ITSN1: variants seen among roughly 807,000 people sequenced by gnomAD.
ITSN1 encodes intersectin 1.
Under a neutral mutation model 239.8 loss-of-function variants are expected in ITSN1, and 58 were observed. The observed-to-expected ratio is 0.24, with a 90% CI of 0.20 to 0.30. The LOEUF is 0.30. ITSN1 is among the 10% of genes least tolerant of loss of function. The pLI is 1.00. For missense variants in ITSN1, 1,558 were observed against 2,103.3 expected (o/e 0.74, Z 5.07); for synonymous variants, 780 against 770.8 (o/e 1.01, Z -0.20).
At chr21:33,854,063 G>A (rs8127139) in intron 29 of ITSN1, among the ~76,000 whole-genome samples, 129,894 of 152,186 alleles carry the variant, frequency 0.85, 55,753 homozygotes, top group East Asian at 0.98. Flanking sequence ...TATTTGCCCA[G>A]TGAATGAATA....
At chr21:33,763,219 G>A (rs947789200) in intron 9 of ITSN1, among the ~76,000 whole-genome samples, 4 of 34,296 alleles carry the variant, frequency 1.2e-4, no homozygotes, top group African/African-American at 1.1e-4. Flanking sequence ...CCCCCAGGCC[G>A]CCCCCCAACC....
chr21:33,859,251 C>T (rs1007272651), intron 31 of ITSN1, among the ~76,000 whole-genome samples: 5 of 152,172 alleles, frequency 3.3e-5, no homozygotes, highest in Non-Finnish European at 5.9e-5. Context: ...AGGATCACTC[C>T]GGGAAGCTGG....
At chr21:33,654,078 C>T (rs2088812715) in intron 1 of ITSN1, among the ~76,000 whole-genome samples, 1 of 151,892 alleles carries the variant, frequency 6.6e-6, no homozygotes, top group African/African-American at 2.4e-5. Context: ...TCTTTTGTCT[C>T]ACTCTGTCAC....
intron 15 of ITSN1, 150 bp from the exon 16 acceptor site, chr21:33,781,844 G>A: frequency 1.3e-6 from 1 of 743,476 alleles, no homozygotes; most frequent in Non-Finnish European, 2.1e-6. Flanking sequence ...TCCCCAAAGT[G>A]CTGGGATTAC....
Position 33,894,411 on chromosome 21 carries a change from T to G in ITSN1, c.*6111T>G, listed in dbSNP as rs1034999101. ...TTGGATGTCAGGGGTGTTTTGTGAGTTGTGTTTTAATAGGATTCTGTTCGA... is the reference window on the plus strand; with the variant it reads ...TTGGATGTCAGGGGTGTTTTGTGAGGTGTGTTTTAATAGGATTCTGTTCGA... On this transcript the variant is annotated 3_prime_UTR_variant, in exon 40 of 40. Transcript: ENST00000381318. 4 of 152,246 alleles carry G rather than the reference T, an allele frequency of 2.6e-5. No homozygotes were observed. The highest frequency in any genetic ancestry group is 5.9e-5 in the Non-Finnish European group (4 of 68,008). 9.4% of individuals were successfully genotyped at this position (152,246 alleles called of 1,614,324 possible).
chr21:33,884,277 C>G (rs1985429084), intron 36 of ITSN1, among the ~76,000 whole-genome samples: 2 of 152,116 alleles, frequency 1.3e-5, no homozygotes, highest in African/African-American at 4.8e-5. Flanking sequence ...CAGAGCATCT[C>G]AGGTTTCCCC....
rs1433408937 is a variant in ITSN1, at chr21:33,818,401, T to C, written c.2862T>C (p.Val954=). 6.2e-7 allele frequency: 1 copy of C among 1,614,202 alleles called. No homozygotes were observed. The highest frequency in any genetic ancestry group is 1.1e-5 in the South Asian group (1 of 91,086). The change falls in exon 23 of 40, where the codon GTT becomes GTC. Residue 954 remains valine, a synonymous_variant. Coordinates refer to ENST00000381318, the MANE Select transcript of ITSN1 (RefSeq NM_003024.3). The stretch of plus-strand genomic sequence containing the variant: ...AAGACATGTGGTGGTTTGGAGAAGT[T>C]CAAGGTCAGAAGGGTTGGTTCCCCA... ...EQQDMWWFGE[V]QGQKGWFPKS... is the part of the protein sequence containing the mutation.
intron 7 of ITSN1, among the ~76,000 whole-genome samples, chr21:33,753,581 T>C (rs1374769935): frequency 6.6e-6 from 1 of 151,806 alleles, no homozygotes; most frequent in Non-Finnish European, 1.5e-5. Flanking sequence ...GCCAACATGG[T>C]GAAACCCCGT....
chr21:33,724,183 T>C (rs1001701371), intron 4 of ITSN1, among the ~76,000 whole-genome samples: 88 of 152,298 alleles, frequency 5.8e-4, no homozygotes, highest in African/African-American at 2.0e-3. Context: ...GTATCTGCTT[T>C]ATTTTCTTTT....
chr21:33,829,466 C>G (rs752051780), intron 26 of ITSN1, 158 bp from the exon 27 acceptor site: 1 of 726,324 alleles, frequency 1.4e-6, no homozygotes, highest in Admixed American at 2.4e-5. Context: ...GCTCTGGGAA[C>G]GGGCGATTCA....
intron 29 of ITSN1, among the ~76,000 whole-genome samples, chr21:33,855,095 A>G (rs572971413): frequency 2.6e-5 from 4 of 152,288 alleles, no homozygotes; most frequent in Admixed American, 1.3e-4. Context: ...GGATCATACA[A>G]TTTGCAGAAG....
intron 1 of ITSN1, among the ~76,000 whole-genome samples, chr21:33,648,325 A>G (rs1473884938): frequency 6.6e-6 from 1 of 152,238 alleles, no homozygotes. Context: ...AAACTAGGGT[A>G]CCAGCAATTA....
intron 1 of ITSN1, among the ~76,000 whole-genome samples, chr21:33,704,557 T>C (rs1331879440): frequency 3.3e-5 from 5 of 152,160 alleles, no homozygotes; most frequent in African/African-American, 1.2e-4. Flanking sequence ...ACTAATAATA[T>C]TTAGTCCATA....
intron 1 of ITSN1, among the ~76,000 whole-genome samples, chr21:33,677,540 C>T (rs1327343631): frequency 6.6e-6 from 1 of 151,890 alleles, no homozygotes; most frequent in African/African-American, 2.4e-5. Flanking sequence ...GGGTTTCGCC[C>T]TGTTGGCCAG....
At chr21:33,886,102 T>C (rs1434717907) in intron 38 of ITSN1, among the ~76,000 whole-genome samples, 185 bp from the exon 39 acceptor site, 2 of 151,626 alleles carry the variant, frequency 1.3e-5, no homozygotes, top group Admixed American at 1.3e-4. Context: ...CAGCTATTCA[T>C]TCAGGAGACT....
Position 33,897,581 on chromosome 21 carries a change from GTA to G in ITSN1, c.*9283_*9284del, listed in dbSNP as rs1450112103. ...TCATGTTCCTCATGAAATCTCTGCTGTATGTTTATGGAATGGCCATGACTAAA... is the reference window on the plus strand; with the variant it reads ...TCATGTTCCTCATGAAATCTCTGCTGTGTTTATGGAATGGCCATGACTAAA... On this transcript the variant is annotated 3_prime_UTR_variant, in exon 40 of 40. Transcript: ENST00000381318. 2 of 152,160 alleles carry G rather than the reference GTA, an allele frequency of 1.3e-5. No individual in the cohort carries two copies. The highest frequency in any genetic ancestry group is 2.4e-5 in the African/African-American group (1 of 41,416). The allele number at this position is 152,160 out of a possible 1,614,324, so 9.4% of individuals were successfully genotyped here. A position where few individuals can be genotyped will look rare whatever the true frequency, so the allele number is the denominator to read the frequency against.
At chr21:33,799,476 G>A (rs778667658) in intron 18 of ITSN1, among the ~76,000 whole-genome samples, 2 of 152,114 alleles carry the variant, frequency 1.3e-5, no homozygotes, top group East Asian at 1.9e-4. Flanking sequence ...GGAGGAGGGC[G>A]GGTATTGATG....
At position 33,707,685 on chromosome 21, in the gene ITSN1, A is replaced by G. The variant is rs182600716; in HGVS notation, c.-32-11112A>G. Among the ~76,000 whole-genome samples, 8 of 152,310 alleles carry G rather than the reference A, an allele frequency of 5.3e-5. No homozygotes were observed. The East Asian group carries it at 9.6e-4, about 18-fold the overall frequency. ...TTTAATCTGACTTCTTTCACTTAGC[A>G]TAATAATTTTGAGATTCACGCATGT... On this transcript the variant is annotated intron_variant, in intron 1 of 39. Coordinates refer to ENST00000381318, the MANE Select transcript of ITSN1 (RefSeq NM_003024.3).
chr21:33,812,740 C>G (rs570353367), intron 21 of ITSN1, among the ~76,000 whole-genome samples: 84 of 152,208 alleles, frequency 5.5e-4, no homozygotes, highest in African/African-American at 1.9e-3. Context: ...CTCAAGTGAT[C>G]CTCCTGCCTT....
Sources: gnomAD v4.1 joint callset for allele counts (sites outside exome capture counted in the v4.1 genomes callset) on GRCh38, gnomAD v4.1.1 for gene constraint, MANE v1.5 for transcripts, NCBI Gene and HGNC (gene_info 2026-07-23, HGNC 2026-07-21) for gene names.